CNTN5: variants seen among roughly 807,000 people sequenced by gnomAD.
CNTN5 encodes the protein contactin-5.
Under a neutral mutation model 129.1 loss-of-function variants are expected in CNTN5, and 77 were observed. The ratio of observed to expected loss-of-function variants is 0.60; its 90% CI spans 0.50 to 0.72. The LOEUF (loss-of-function observed/expected upper bound fraction) is 0.72, where lower values mean the gene tolerates loss of function less well. Among genes scored for constraint, CNTN5 ranks in the 30% least tolerant of loss-of-function variants. The pLI is 0.00. For synonymous variants in CNTN5, 509 were observed against 465.6 expected, an observed-to-expected ratio of 1.09 and a Z score of -1.20; for missense variants, 1,478 against 1,328.8, an observed-to-expected ratio of 1.11 and a Z score of -1.75.
intron 1 of CNTN5, among the ~76,000 whole-genome samples, chr11:99,252,454 C>T (rs1862160214): frequency 6.7e-6 from 1 of 150,298 alleles, no homozygotes; most frequent in Non-Finnish European, 1.5e-5. Flanking sequence ...TAACATTTAT[C>T]TTATATATAA....
At chr11:99,074,105 G>T (rs1865459816) in intron 1 of CNTN5, among the ~76,000 whole-genome samples, 1 of 152,074 alleles carries the variant, frequency 6.6e-6, no homozygotes, top group African/African-American at 2.4e-5. Context: ...TTGTGGTTTT[G>T]ATTTGTATTT....
At chr11:99,362,278 ACT>A (rs1939163576) in intron 2 of CNTN5, among the ~76,000 whole-genome samples, 1 of 151,762 alleles carries the variant, frequency 6.6e-6, no homozygotes. Context: ...ATTTACATAT[ACT>A]CTCTGAAGAA....
At chr11:99,237,077 A>G (rs1181944023) in intron 1 of CNTN5, among the ~76,000 whole-genome samples, 1 of 152,034 alleles carries the variant, frequency 6.6e-6, no homozygotes, top group Admixed American at 6.6e-5. Flanking sequence ...TCTTTATTCT[A>G]AATGATTTCA....
chr11:100,094,669 G>A (rs1315354686), intron 13 of CNTN5, among the ~76,000 whole-genome samples: 1 of 149,578 alleles, frequency 6.7e-6, no homozygotes, highest in Non-Finnish European at 1.5e-5. Context: ...AAAGAAAGAA[G>A]AAATGAAAGA....
intron 13 of CNTN5, among the ~76,000 whole-genome samples, chr11:100,104,038 A>G (rs1945327108): frequency 6.6e-6 from 1 of 151,920 alleles, no homozygotes; most frequent in Admixed American, 6.6e-5. Flanking sequence ...TGCTTCTCAC[A>G]TATTATTTTA....
intron 3 of CNTN5, among the ~76,000 whole-genome samples, chr11:99,773,806 C>T (rs974641105): frequency 3.9e-5 from 6 of 152,062 alleles, no homozygotes; most frequent in Non-Finnish European, 8.8e-5. Flanking sequence ...AATTCAAGTT[C>T]ATGAGCGTGA....
chr11:99,594,640 G>T (rs1352372960), intron 3 of CNTN5, among the ~76,000 whole-genome samples: 26 of 152,178 alleles, frequency 1.7e-4, no homozygotes, highest in Admixed American at 1.7e-3. Context: ...ACTGTGAAAA[G>T]AAGTACTTTA....
At chr11:100,146,087 G>A (rs1177088189) in intron 13 of CNTN5, among the ~76,000 whole-genome samples, 1 of 152,198 alleles carries the variant, frequency 6.6e-6, no homozygotes, top group Non-Finnish European at 1.5e-5. Flanking sequence ...AGTAAATACC[G>A]CTGTATAAAT....
chr11:99,193,689 G>A (rs1052610904), intron 1 of CNTN5, among the ~76,000 whole-genome samples: 16 of 152,220 alleles, frequency 1.1e-4, no homozygotes, highest in South Asian at 1.0e-3. Flanking sequence ...CAAATCCTGA[G>A]ATGAAAAAAC....
intron 6 of CNTN5, among the ~76,000 whole-genome samples, chr11:99,852,148 A>G (rs1271898563): frequency 6.6e-6 from 1 of 152,198 alleles, no homozygotes; most frequent in Admixed American, 6.6e-5. Context: ...TCTTCCATAT[A>G]CAAATGACTC....
rs528971726 is a variant in CNTN5, at chr11:100,201,588, T to A, written c.1884+7925T>A. ...ATATCTTAAGGGACTGCTGTTCACA[T>A]CTTGATAATTTTTCAATATATCTCT... is the stretch of plus-strand genomic sequence containing the variant. On this transcript the variant is annotated intron_variant, in intron 15 of 24. Transcript: ENST00000524871. Among the ~76,000 whole-genome samples the A allele has an allele frequency of 1.2e-3, 181 of 152,060 alleles. 3 individuals carry two copies. The highest frequency in any genetic ancestry group is 3.7e-3 in the South Asian group (18 of 4,830).
At chr11:99,200,984 T>C (rs1859145828) in intron 1 of CNTN5, among the ~76,000 whole-genome samples, 1 of 151,190 alleles carries the variant, frequency 6.6e-6, no homozygotes, top group Non-Finnish European at 1.5e-5. Context: ...TTTATAGCTT[T>C]CTTGCCTGCC....
intron 13 of CNTN5, among the ~76,000 whole-genome samples, chr11:100,174,588 A>G (rs1241085074): frequency 6.6e-6 from 1 of 152,118 alleles, no homozygotes; most frequent in African/African-American, 2.4e-5. Context: ...TAAGCCTGAT[A>G]TGCCTGTGAC....
chr11:99,601,202 A>C (rs1359631261), intron 3 of CNTN5, among the ~76,000 whole-genome samples: 1 of 152,216 alleles, frequency 6.6e-6, no homozygotes, highest in Non-Finnish European at 1.5e-5. Flanking sequence ...GACTTTATTT[A>C]ATCTTTACTC....
chr11:99,823,678 T>G (rs1350954388), intron 4 of CNTN5, among the ~76,000 whole-genome samples: 3 of 152,006 alleles, frequency 2.0e-5, no homozygotes, highest in Non-Finnish European at 4.4e-5. Flanking sequence ...AAGTGTCTTG[T>G]GACTATATAT....
chr11:99,631,950 T>C (rs1951370889), intron 3 of CNTN5, among the ~76,000 whole-genome samples: 1 of 152,080 alleles, frequency 6.6e-6, no homozygotes, highest in Non-Finnish European at 1.5e-5. Context: ...TGTTCTAGTT[T>C]TATTGTCAGT....
intron 13 of CNTN5, among the ~76,000 whole-genome samples, chr11:100,154,130 T>G (rs61679164): frequency 0.17 from 25,705 of 151,962 alleles, 2,272 homozygotes; most frequent in Non-Finnish European, 0.2. Context: ...AACAAGCCCC[T>G]GTGTGTGATG....
intron 2 of CNTN5, among the ~76,000 whole-genome samples, chr11:99,507,217 A>G (rs931612530): frequency 1.3e-5 from 2 of 151,886 alleles, no homozygotes; most frequent in African/African-American, 2.4e-5. Flanking sequence ...TCTACACTAA[A>G]AATACAAAAA....
chr11:99,530,954 C>G (rs1004621639), intron 2 of CNTN5, among the ~76,000 whole-genome samples: 6 of 152,152 alleles, frequency 3.9e-5, no homozygotes, highest in African/African-American at 1.4e-4. Flanking sequence ...TAAATTGATA[C>G]CAGTAGAGTC....
Sources: allele counts gnomAD v4.1 joint callset (sites outside exome capture counted in the v4.1 genomes callset), GRCh38; gene constraint gnomAD v4.1.1; transcripts MANE v1.5; gene names NCBI Gene and HGNC (gene_info 2026-07-23, HGNC 2026-07-21).